Variants in ZNF573 observed in about 807,000 individuals in gnomAD.
ZNF573 encodes the protein zinc finger protein 573.
In ZNF573, 41 loss-of-function variants were observed where a neutral mutation model predicts 57.4. The observed-to-expected ratio is 0.71, with a 90% CI of 0.56 to 0.93. ZNF573 has a LOEUF of 0.93. Ranked by LOEUF, ZNF573 falls within the 40% of genes least tolerant of loss-of-function variation. The pLI, the probability that ZNF573 is intolerant of heterozygous loss-of-function variation, is 0.00. For missense variants in ZNF573, 730 were observed against 794.8 expected (o/e 0.92, Z 0.98); for synonymous variants, 249 against 261.0 (o/e 0.95, Z 0.44).
At chr19:37,779,388 A>T (rs1241717138) in intron 1 of ZNF573, among the ~76,000 whole-genome samples, 156 bp downstream of exon 1, 2 of 152,084 alleles carry the variant, frequency 1.3e-5, no homozygotes, top group African/African-American at 4.8e-5. Flanking sequence ...TGAGATTCCG[A>T]TAACAACTGG....
At position 37,773,749 on chromosome 19, in the gene ZNF573, G is replaced by C. The variant is rs1323158518; in HGVS notation, c.-20C>G. On this transcript the variant is annotated splice_region_variant and 5_prime_UTR_variant, in exon 2 of 5. Coordinates refer to ENST00000536220, the MANE Select transcript of ZNF573 (RefSeq NM_001172690.2). ...AAACATTCAAACTCCAGAGAATCCAGAGCTGAGAGAAGAAAAGAGATGTTA... is the reference window on the plus strand; with the variant it reads ...AAACATTCAAACTCCAGAGAATCCACAGCTGAGAGAAGAAAAGAGATGTTA... 4.6e-6 allele frequency: 7 copies of C among 1,524,042 alleles called. No individual in the cohort carries two copies. Among genetic ancestry groups the C allele is most frequent in the Non-Finnish European group, 6.2e-6 (7 of 1,136,400 alleles). The allele number at this position is 1,524,042 out of a possible 1,614,324, so 94.4% of individuals were successfully genotyped here. A position where few individuals can be genotyped will look rare whatever the true frequency, so the allele number is the denominator to read the frequency against.
At chr19:37,750,849 G>T (rs1198544912) in intron 4 of ZNF573, among the ~76,000 whole-genome samples, 3 of 128,262 alleles carry the variant, frequency 2.3e-5, no homozygotes, top group Non-Finnish European at 5.3e-5. Flanking sequence ...AAAAAAAAAA[G>T]TCAACTGCCT....
Position 37,739,026 on chromosome 19 carries a change from A to G in ZNF573, c.1464T>C (p.His488=), listed in dbSNP as rs201545219. 3.5e-5 allele frequency: 57 copies of G among 1,613,270 alleles called. No individual in the cohort carries two copies. The highest frequency in any genetic ancestry group is 1.7e-5 in the Admixed American group (1 of 59,874). ...GTTTCTCACCAGTATGAGTTTTCCG[A>G]TGTTGAATAAGGTTTGAGCCAGTAC... ...AYSTGSNLIQ[H]RKTHTGEKPY... The change falls in exon 5 of 5, where the codon CAT becomes CAC. Residue 488 remains histidine (H), a synonymous_variant. Coordinates refer to ENST00000536220, the MANE Select transcript of ZNF573 (RefSeq NM_001172690.2).
intron 4 of ZNF573, among the ~76,000 whole-genome samples, chr19:37,753,447 C>A (rs2145297660): frequency 6.6e-6 from 1 of 151,920 alleles, no homozygotes; most frequent in East Asian, 1.9e-4. Context: ...GTTGCGCTAT[C>A]AAATACTAGA....
chr19:37,754,785 A>G (rs1017476158), intron 4 of ZNF573, among the ~76,000 whole-genome samples: 1 of 152,086 alleles, frequency 6.6e-6, no homozygotes, highest in African/African-American at 2.4e-5. Flanking sequence ...TACAAAATAG[A>G]CCAAATGGCA....
rs199556725 is a variant in ZNF573, at chr19:37,740,107, T to C, written c.383A>G (p.Tyr128Cys). The C allele has an allele frequency of 4.1e-4, 654 of 1,613,858 alleles. No individual in the cohort carries two copies. Among genetic ancestry groups the C allele is most frequent in the Non-Finnish European group, 5.4e-4 (633 of 1,179,918 alleles). ...DISSTQLQSI[Y>C]KREKLYECKK... Reference sequence around the variant, plus strand: ...ACATTCATAGAGTTTCTCTCTCTTATATATGCTCTGAAGTTGTGTAGAGGA... The same window carrying C: ...ACATTCATAGAGTTTCTCTCTCTTACATATGCTCTGAAGTTGTGTAGAGGA... The change falls in exon 5 of 5, where the codon TAT becomes TGT. Residue 128 changes from tyrosine (Y) to cysteine (C), a missense_variant. Coordinates refer to ENST00000536220, the MANE Select transcript of ZNF573 (RefSeq NM_001172690.2).
Position 37,761,311 on chromosome 19 carries a change from C to G in ZNF573, c.295+8694G>C, listed in dbSNP as rs527735609. On this transcript the variant is annotated intron_variant, in intron 4 of 4. Coordinates refer to ENST00000536220, the MANE Select transcript of ZNF573 (RefSeq NM_001172690.2). ...AGAAATAGGATATCTGTATTGTTTT[C>G]CTGGGACTCACAAAATAATACCACA... Among the ~76,000 whole-genome samples the G allele has an allele frequency of 3.3e-5, 5 of 152,254 alleles. No homozygotes were observed. The South Asian group carries it at 1.0e-3, about 32-fold the overall frequency.
intron 4 of ZNF573, among the ~76,000 whole-genome samples, chr19:37,758,203 AT>A (rs1198176329): frequency 0.46 from 23,758 of 51,892 alleles, 6,515 homozygotes; most frequent in Admixed American, 0.5. Flanking sequence ...GTATAATAAA[AT>A]ATATATATAT....
In ZNF573 at chr19:37,769,991, C is replaced by T. The variant is rs758035860; in HGVS notation, c.295+14G>A. 300 of 1,549,222 alleles carry T rather than the reference C, an allele frequency of 1.9e-4. 1 individual carries two copies. Among genetic ancestry groups the T allele is most frequent in the South Asian group, 8.3e-4 (70 of 83,994 alleles). On this transcript the variant is annotated intron_variant, in intron 4 of 4. Transcript: ENST00000536220. ...GCTGTGGCCGGCCCTGATGGTGTCC[C>T]CTGCCTTCCTTACCTGTGAACTGTG... is the stretch of plus-strand genomic sequence containing the variant.
At chr19:37,772,314 G>A (rs2045666274) in intron 2 of ZNF573, among the ~76,000 whole-genome samples, 1 of 151,714 alleles carries the variant, frequency 6.6e-6, no homozygotes, top group Non-Finnish European at 1.5e-5. Context: ...TGTATTTTTT[G>A]TAGAGACAGG....
intron 4 of ZNF573, among the ~76,000 whole-genome samples, chr19:37,752,880 C>T (rs375179208): frequency 6.6e-6 from 1 of 152,158 alleles, no homozygotes; most frequent in Non-Finnish European, 1.5e-5. Flanking sequence ...AGCAATTCTC[C>T]TGTCTCAGCA....
chr19:37,742,191 GAA>G (rs1404603283), intron 4 of ZNF573, among the ~76,000 whole-genome samples: 1 of 151,990 alleles, frequency 6.6e-6, no homozygotes, highest in Admixed American at 6.6e-5. Context: ...CAAATAAATG[GAA>G]AAAGATTCCA....
At chr19:37,762,239 A>C (rs1420537913) in intron 4 of ZNF573, among the ~76,000 whole-genome samples, 2 of 152,234 alleles carry the variant, frequency 1.3e-5, no homozygotes, top group African/African-American at 4.8e-5. Context: ...TGTCAATTTC[A>C]TGAAGGAAGA....
intron 4 of ZNF573, among the ~76,000 whole-genome samples, chr19:37,743,319 C>CAAAAAA (rs74174484): frequency 1.0e-5 from 1 of 99,968 alleles, no homozygotes; most frequent in Non-Finnish European, 1.9e-5. Flanking sequence ...GAATCCATCT[C>CAAAAAA]AAAAAAAAAA....
intron 4 of ZNF573, among the ~76,000 whole-genome samples, chr19:37,742,817 A>G (rs1432501680): frequency 6.6e-6 from 1 of 152,274 alleles, no homozygotes; most frequent in Non-Finnish European, 1.5e-5. Flanking sequence ...AAAAGCCAAA[A>G]TTGACAAATG....
Position 37,771,688 on chromosome 19 carries a change from T to C in ZNF573, c.78A>G (p.Glu26=), listed in dbSNP as rs781277997. 65 of 1,592,630 alleles carry C rather than the reference T, an allele frequency of 4.1e-5. No individual in the cohort carries two copies. The highest frequency in any genetic ancestry group is 5.6e-5 in the Admixed American group (3 of 53,630). ...YNSKTMTCFQ[E]LVTFRDVAID... The stretch of plus-strand genomic sequence containing the variant: ...TGGCCACATCCCTGAATGTCACTAA[T>C]TCCTGAAACTGCAAACCCATGCATT... The change falls in exon 3 of 5, where the codon GAA becomes GAG. Residue 26 remains glutamate, a synonymous_variant. Transcript: ENST00000536220.
chr19:37,773,724 A>G lies in ZNF573; in HGVS notation c.6T>C (p.Phe2=). Residue 2 remains phenylalanine, a synonymous_variant, in exon 2 of 5, where the codon TTT becomes TTC. Transcript: ENST00000536220. The part of the protein sequence containing the change: M[F]PVLEPHQVGL... The stretch of plus-strand genomic sequence containing the variant: ...CTACTTGGTGGGGTTCCAATACTGG[A>G]AACATTCAAACTCCAGAGAATCCAG... The G allele has an allele frequency of 2.0e-6, 3 of 1,535,352 alleles. No homozygotes were observed. Among genetic ancestry groups the G allele is most frequent in the Non-Finnish European group, 2.6e-6 (3 of 1,146,296 alleles).
intron 4 of ZNF573, among the ~76,000 whole-genome samples, chr19:37,766,073 T>C (rs2045599489): frequency 6.6e-6 from 1 of 152,080 alleles, no homozygotes; most frequent in Non-Finnish European, 1.5e-5. Context: ...GACCAAATAT[T>C]GATCAGCCTT....
At position 37,778,045 on chromosome 19, in the gene ZNF573, A is replaced by AAG. The variant is rs71177476; in HGVS notation, c.-23+1498_-23+1499insCT. 9.5e-3 allele frequency among the ~76,000 whole-genome samples: 1,310 copies of AAG among 138,108 alleles called. 82 individuals carry two copies. Among genetic ancestry groups the AAG allele is most frequent in the Non-Finnish European group, 0.015 (928 of 62,278 alleles). The allele number at this position is 138,108 out of a possible 152,430, so 90.6% of individuals were successfully genotyped here. The stretch of plus-strand genomic sequence containing the variant: ...GTCTCAAAAAAAAAAAAAAAAAAAA[A>AAG]GTAATATTTAAGAGGTGGTCTCTTG... On this transcript the variant is annotated intron_variant, in intron 1 of 4. Coordinates refer to ENST00000536220, the MANE Select transcript of ZNF573 (RefSeq NM_001172690.2).
Sources: allele counts gnomAD v4.1 joint callset (sites outside exome capture counted in the v4.1 genomes callset), GRCh38; gene constraint gnomAD v4.1.1; transcripts MANE v1.5; gene names NCBI Gene and HGNC (gene_info 2026-07-23, HGNC 2026-07-21).